Variants in HMGCLL1 observed in about 807,000 individuals in gnomAD.
The protein encoded by HMGCLL1 is 3-hydroxymethyl-3-methylglutaryl-CoA lyase, cytoplasmic.
In HMGCLL1, 36 loss-of-function variants were observed where a neutral mutation model predicts 39.1. The observed-to-expected ratio is 0.92, with a 90% CI of 0.71 to 1.22. The LOEUF is 1.22. HMGCLL1 is among the 50% of genes most tolerant of loss of function. HMGCLL1 has a pLI of 0.00. For missense variants in HMGCLL1, 451 were observed against 416.5 expected, an observed-to-expected ratio of 1.08 and a Z score of -0.72; for synonymous variants, 149 against 144.0, an observed-to-expected ratio of 1.03 and a Z score of -0.25.
At position 55,542,081 on chromosome 6, in the gene HMGCLL1, C is replaced by T. The variant is rs769056962; in HGVS notation, c.168G>A (p.Arg56=). ...CTACCTTTTCATTCTGCAATCCATC[C>T]CTAGGCCCAACTTCTACTATTTTAA... The part of the protein sequence containing the change: ...EFVKIVEVGP[R]DGLQNEKVIV... Residue 56 remains arginine (R), a synonymous_variant, in exon 2 of 9, where the codon AGG becomes AGA. Transcript: ENST00000274901. 2 of 1,608,224 alleles carry T rather than the reference C, an allele frequency of 1.2e-6. No homozygotes were observed. Among genetic ancestry groups the T allele is most frequent in the South Asian group, 2.2e-5 (2 of 90,604 alleles).
At chr6:55,461,192 T>C in intron 7 of HMGCLL1, among the ~76,000 whole-genome samples, 2 of 152,106 alleles carry the variant, frequency 1.3e-5, no homozygotes, top group East Asian at 3.9e-4. Flanking sequence ...TTTTTAGTAA[T>C]CTAGACCGTC....
chr6:55,568,610 G>T (rs562328362), intron 1 of HMGCLL1, among the ~76,000 whole-genome samples: 1 of 152,118 alleles, frequency 6.6e-6, no homozygotes, highest in South Asian at 2.1e-4. Flanking sequence ...CAACTACTAC[G>T]TAGACTAACA....
chr6:55,511,867 T>G (rs2127434837), intron 5 of HMGCLL1, among the ~76,000 whole-genome samples: 1 of 152,230 alleles, frequency 6.6e-6, no homozygotes, highest in East Asian at 1.9e-4. Flanking sequence ...TTCAGAAAAT[T>G]CAGGAGTTGT....
At chr6:55,585,829 A>AAT in the HMGCLL1 span, among the ~76,000 whole-genome samples, 3 of 152,114 alleles carry the variant, frequency 2.0e-5, no homozygotes, top group African/African-American at 7.2e-5. Flanking sequence ...AATAAGTATG[A>AAT]ATATATATTT....
At chr6:55,487,708 GT>G (rs1766106172) in intron 7 of HMGCLL1, among the ~76,000 whole-genome samples, 1 of 151,702 alleles carries the variant, frequency 6.6e-6, no homozygotes, top group South Asian at 2.1e-4. Context: ...GATCTTTACA[GT>G]ACCCAGGATA....
intron 1 of HMGCLL1, among the ~76,000 whole-genome samples, chr6:55,572,311 T>C (rs953526273): frequency 3.9e-5 from 6 of 152,158 alleles, no homozygotes; most frequent in South Asian, 4.1e-4. Context: ...AGATTTGATA[T>C]ACATTATGAC....
At chr6:55,555,680 T>G (rs917826608) in intron 1 of HMGCLL1, among the ~76,000 whole-genome samples, 1 of 152,248 alleles carries the variant, frequency 6.6e-6, no homozygotes, top group African/African-American at 2.4e-5. Flanking sequence ...ATATTCATAT[T>G]ATGGCTTTGA....
intron 3 of HMGCLL1, among the ~76,000 whole-genome samples, chr6:55,534,783 A>C (rs1768919084): frequency 6.6e-6 from 1 of 152,248 alleles, no homozygotes; most frequent in Non-Finnish European, 1.5e-5. Flanking sequence ...GTTTTAAGCC[A>C]TTAAATTTAA....
chr6:55,640,011 G>A, the HMGCLL1 span, among the ~76,000 whole-genome samples: 1 of 152,084 alleles, frequency 6.6e-6, no homozygotes, highest in Non-Finnish European at 1.5e-5. Flanking sequence ...TCGGGAGGCG[G>A]AGGTTGCAGT....
the HMGCLL1 span, among the ~76,000 whole-genome samples, chr6:55,603,950 A>T: frequency 2.0e-5 from 3 of 152,162 alleles, no homozygotes; most frequent in Admixed American, 2.0e-4. Flanking sequence ...ATGTAAATTG[A>T]TTTTATTCCA....
At chr6:55,603,304 T>C in the HMGCLL1 span, among the ~76,000 whole-genome samples, 4 of 152,160 alleles carry the variant, frequency 2.6e-5, no homozygotes, top group African/African-American at 9.6e-5. Context: ...TCTTACTTGA[T>C]AATTTCAGAT....
In HMGCLL1 at chr6:55,542,094, T is replaced by C; in HGVS notation, c.155A>G (p.Glu52Gly). The C allele has an allele frequency of 6.2e-7, 1 of 1,611,094 alleles. No individual in the cohort carries two copies. The highest frequency in any genetic ancestry group is 8.5e-7 in the Non-Finnish European group (1 of 1,177,932). The change falls in exon 2 of 9, where the codon GAA becomes GGA. Residue 52 changes from glutamate to glycine, a missense_variant. Coordinates refer to ENST00000274901, the MANE Select transcript of HMGCLL1 (RefSeq NM_001042406.2). ...CTGCAATCCATCCCTAGGCCCAACT[T>C]CTACTATTTTAACAAACTCAGGGAG... is the stretch of plus-strand genomic sequence containing the variant. ...SGLPEFVKIV[E>G]VGPRDGLQNE...
intron 1 of HMGCLL1, 113 bp downstream of exon 1, chr6:55,578,835 C>G: frequency 2.6e-6 from 2 of 755,138 alleles, no homozygotes; most frequent in Non-Finnish European, 4.6e-6. Flanking sequence ...CGGGAAGGGT[C>G]CTGGGGTGAG....
chr6:55,518,247 C>T (rs1184881897), intron 3 of HMGCLL1, among the ~76,000 whole-genome samples: 1 of 141,348 alleles, frequency 7.1e-6, no homozygotes, highest in Non-Finnish European at 1.6e-5. Flanking sequence ...GGAATGTTAA[C>T]AATTCAAAGA....
intron 1 of HMGCLL1, among the ~76,000 whole-genome samples, chr6:55,554,277 C>T (rs1770526808): frequency 6.6e-6 from 1 of 152,134 alleles, no homozygotes; most frequent in Non-Finnish European, 1.5e-5. Context: ...ACAAGCTAGG[C>T]TTTAATTTCT....
chr6:55,485,141 T>C (rs1431995361), intron 7 of HMGCLL1, among the ~76,000 whole-genome samples: 1 of 152,100 alleles, frequency 6.6e-6, no homozygotes, highest in Non-Finnish European at 1.5e-5. Flanking sequence ...TGCTTACATC[T>C]CTTCTTAAAA....
chr6:55,653,837 T>G, the HMGCLL1 span, among the ~76,000 whole-genome samples: 1 of 151,948 alleles, frequency 6.6e-6, no homozygotes, highest in Non-Finnish European at 1.5e-5. Context: ...TGATTACAAA[T>G]GAGGCACAGT....
At chr6:55,488,794 A>C (rs1157746612) in intron 7 of HMGCLL1, among the ~76,000 whole-genome samples, 2 of 152,106 alleles carry the variant, frequency 1.3e-5, no homozygotes, top group Non-Finnish European at 2.9e-5. Context: ...TAATTTTATA[A>C]GAATGAGCCA....
chr6:55,617,206 G>A, the HMGCLL1 span, among the ~76,000 whole-genome samples: 1 of 152,062 alleles, frequency 6.6e-6, no homozygotes, highest in African/African-American at 2.4e-5. Context: ...CACTCATGAT[G>A]TCCTGTCTTG....
Sources: allele counts gnomAD v4.1 joint callset (sites outside exome capture counted in the v4.1 genomes callset), GRCh38; gene constraint gnomAD v4.1.1; transcripts MANE v1.5; gene names NCBI Gene and HGNC (gene_info 2026-07-23, HGNC 2026-07-21).